The following HPRT1 variants were observed in gnomAD, a reference collection of about 807,000 sequenced individuals.
HPRT1 encodes hypoxanthine-guanine phosphoribosyltransferase.
HPRT1 carries 4 observed loss-of-function variants against 19.0 expected under a neutral mutation model. The observed-to-expected ratio is 0.21, with a 90% CI of 0.10 to 0.48. HPRT1 has a LOEUF of 0.48. Among genes scored for constraint, HPRT1 ranks in the 20% least tolerant of loss-of-function variants. HPRT1 has a pLI of 0.98. For synonymous variants in HPRT1, 53 were observed against 54.9 expected (o/e 0.97, Z 0.15); for missense variants, 65 against 164.0 (o/e 0.40, Z 3.30).
At chrX:134,490,261 A>T in intron 5 of HPRT1, 56 bp downstream of exon 5, 2 of 698,426 alleles carry the variant, frequency 2.9e-6, no homozygotes, top group Non-Finnish European at 2.2e-6. Context: ...CTTAGTATGC[A>T]CCATCCTAAA....
intron 3 of HPRT1, among the ~76,000 whole-genome samples, chrX:134,478,394 A>G (rs1156594187): frequency 9.0e-6 from 1 of 111,166 alleles, no homozygotes; most frequent in Non-Finnish European, 1.9e-5. Flanking sequence ...AGGTGGGAGA[A>G]TCACTTGAGG....
intron 1 of HPRT1, chrX:134,460,656 A>AT (rs1345159049): frequency 7.1e-6 from 1 of 140,319 alleles, no homozygotes; most frequent in Admixed American, 9.2e-5. Flanking sequence ...GGCCGAGGGC[A>AT]GATTCGGGAA....
At chrX:134,470,309 A>G (rs1341448382) in intron 1 of HPRT1, among the ~76,000 whole-genome samples, 3 of 111,930 alleles carry the variant, frequency 2.7e-5, no homozygotes, top group Non-Finnish European at 5.6e-5. Context: ...CTGACAATAC[A>G]TGAAGTTCCA....
Position 134,500,262 on chromosome X carries a change from T to A in HPRT1, c.*185T>A. The A allele has an allele frequency of 4.6e-6, 2 of 438,910 alleles. No homozygotes were observed. The highest frequency in any genetic ancestry group is 8.0e-6 in the Non-Finnish European group (2 of 250,956). The allele number at this position is 438,910 out of a possible 1,213,427, so 36.2% of individuals were successfully genotyped here. A position where few individuals can be genotyped will look rare whatever the true frequency, so the allele number is the denominator to read the frequency against. On this transcript the variant is annotated 3_prime_UTR_variant, in exon 9 of 9. Transcript: ENST00000298556. ...GCATTCCTAAACTGTTTATTTGCAC[T>A]ATGAGCCTATAGACTATCAGTTCCC...
intron 3 of HPRT1, among the ~76,000 whole-genome samples, chrX:134,477,015 GTTTATTTTAT>G (rs200027842): frequency 0.12 from 11,735 of 97,528 alleles, 706 homozygotes; most frequent in East Asian, 0.21. Flanking sequence ...TTATTGATAT[GTTTATTTTAT>G]TTTATTTTAT....
intron 5 of HPRT1, chrX:134,492,374 A>G (rs1302694851): frequency 1.4e-5 from 3 of 211,168 alleles, no homozygotes; most frequent in African/African-American, 6.0e-5. Context: ...AAGTATGACA[A>G]TTATCCTTAA....
At chrX:134,486,681 C>T (rs1330748728) in intron 4 of HPRT1, 151 bp downstream of exon 4, 2 of 475,839 alleles carry the variant, frequency 4.2e-6, no homozygotes, top group African/African-American at 4.8e-5. Flanking sequence ...ATTATCGTTC[C>T]CTAGGTCATG....
At chrX:134,467,115 A>G (rs2077599107) in intron 1 of HPRT1, among the ~76,000 whole-genome samples, 1 of 101,124 alleles carries the variant, frequency 9.9e-6, no homozygotes, top group Admixed American at 1.1e-4. Flanking sequence ...CAGTGGCACA[A>G]TCTCGGCTCA....
intron 3 of HPRT1, among the ~76,000 whole-genome samples, chrX:134,478,967 TA>T (rs1420725260): frequency 8.9e-6 from 1 of 112,352 alleles, no homozygotes; most frequent in Non-Finnish European, 1.9e-5. Flanking sequence ...CTATTATTAA[TA>T]AAATGTGAAT....
chrX:134,473,063 T>C, intron 1 of HPRT1, among the ~76,000 whole-genome samples: 1 of 110,283 alleles, frequency 9.1e-6, no homozygotes, highest in Non-Finnish European at 1.9e-5. Context: ...AATTTTTTTG[T>C]ATTTTTAGTA....
At chrX:134,477,058 TATTTATTTA>T (rs1323701743) in intron 3 of HPRT1, among the ~76,000 whole-genome samples, 20 of 100,013 alleles carry the variant, frequency 2.0e-4, no homozygotes, top group Admixed American at 1.2e-3. Flanking sequence ...TATTTTATTT[TATTTATTTA>T]TTTTTTTTTT....
intron 3 of HPRT1, among the ~76,000 whole-genome samples, chrX:134,485,455 T>C (rs1185788403): frequency 8.9e-6 from 1 of 112,224 alleles, no homozygotes; most frequent in East Asian, 2.8e-4. Context: ...TGGCTTTATT[T>C]TTTACATTTA....
At chrX:134,469,211 G>A (rs2077604856) in intron 1 of HPRT1, among the ~76,000 whole-genome samples, 1 of 110,766 alleles carries the variant, frequency 9.0e-6, no homozygotes, top group Admixed American at 9.7e-5. Context: ...ATATATATGT[G>A]TGCATATATA....
intron 3 of HPRT1, among the ~76,000 whole-genome samples, chrX:134,476,841 T>C (rs1250419065): frequency 9.0e-6 from 1 of 110,967 alleles, no homozygotes; most frequent in African/African-American, 3.3e-5. Flanking sequence ...TTTAGTTTTT[T>C]TCCTATTTGT....
chrX:134,471,325 G>A (rs1441560031), intron 1 of HPRT1, among the ~76,000 whole-genome samples: 1 of 110,744 alleles, frequency 9.0e-6, no homozygotes, highest in Admixed American at 9.7e-5. Context: ...TCTGTATATA[G>A]GTACATATAT....
At chrX:134,485,825 C>T (rs560891568) in intron 3 of HPRT1, among the ~76,000 whole-genome samples, 3 of 112,059 alleles carry the variant, frequency 2.7e-5, no homozygotes, top group East Asian at 2.8e-4. Flanking sequence ...GTCATTGTCA[C>T]CACCAACTAC....
At chrX:134,490,460 T>C (rs1348922134) in intron 5 of HPRT1, among the ~76,000 whole-genome samples, 1 of 99,266 alleles carries the variant, frequency 1.0e-5, no homozygotes, top group African/African-American at 3.8e-5. Flanking sequence ...CTCTCTCTAT[T>C]TATCTATATA....
chrX:134,460,451 C>A (rs2077579821), intron 1 of HPRT1, 113 bp downstream of exon 1: 3 of 598,897 alleles, frequency 5.0e-6, no homozygotes, highest in Admixed American at 6.4e-5. Flanking sequence ...GCCCAGGGAA[C>A]CCCGCAGGCG....
At chrX:134,470,101 A>T (rs1281856741) in intron 1 of HPRT1, among the ~76,000 whole-genome samples, 2 of 112,379 alleles carry the variant, frequency 1.8e-5, no homozygotes, top group African/African-American at 6.5e-5. Flanking sequence ...AAGAATAGAA[A>T]TTTTTTCTGC....
Sources: gnomAD v4.1 joint callset for allele counts (sites outside exome capture counted in the v4.1 genomes callset) on GRCh38, gnomAD v4.1.1 for gene constraint, MANE v1.5 for transcripts, NCBI Gene and HGNC (gene_info 2026-07-23, HGNC 2026-07-21) for gene names.